ANKRD11: variants seen among roughly 807,000 people sequenced by gnomAD.
The protein encoded by ANKRD11 is ankyrin repeat domain 11, also known as ankyrin repeat domain-containing protein 11.
A neutral mutation model predicts 195.7 loss-of-function variants in ANKRD11; 17 were observed. The observed-to-expected ratio is 0.09, with a 90% CI of 0.06 to 0.13. The LOEUF is 0.13. Ranked by LOEUF, ANKRD11 falls within the 10% of genes least tolerant of loss-of-function variation. ANKRD11 has a pLI of 1.00. For synonymous variants in ANKRD11, 1,953 were observed against 1,528.1 expected (o/e 1.28, Z -6.49); for missense variants, 3,735 against 3,566.1 (o/e 1.05, Z -1.21).
intron 1 of ANKRD11, among the ~76,000 whole-genome samples, chr16:89,456,150 G>C (rs1357280850): frequency 6.6e-6 from 1 of 151,664 alleles, no homozygotes; most frequent in East Asian, 1.9e-4. Context: ...TAAGGCAGGA[G>C]AATCATTTGA....
At chr16:89,384,538 C>CTGGGA (rs71134213) in intron 2 of ANKRD11, among the ~76,000 whole-genome samples, 80,182 of 148,124 alleles carry the variant, frequency 0.54, 21,648 homozygotes, top group Middle Eastern at 0.73. Context: ...TGGGATGGGA[C>CTGGGA]TGGGATGGGA....
chr16:89,468,526 G>A (rs909774849), intron 1 of ANKRD11, among the ~76,000 whole-genome samples: 24 of 152,104 alleles, frequency 1.6e-4, no homozygotes, highest in Non-Finnish European at 3.1e-4. Context: ...CCAACATGTC[G>A]AAATCCTGTC....
At chr16:89,381,900 C>G (rs1043205542) in intron 2 of ANKRD11, among the ~76,000 whole-genome samples, 3 of 152,234 alleles carry the variant, frequency 2.0e-5, no homozygotes, top group African/African-American at 7.2e-5. Flanking sequence ...TGACCACAGT[C>G]CAGCCGACTG....
intron 2 of ANKRD11, among the ~76,000 whole-genome samples, chr16:89,378,603 A>G (rs1252014606): frequency 6.6e-6 from 1 of 152,214 alleles, no homozygotes; most frequent in Non-Finnish European, 1.5e-5. Context: ...ACTGGCCAGC[A>G]TGACTAGCAA....
At chr16:89,461,996 G>C (rs1053552378) in intron 1 of ANKRD11, among the ~76,000 whole-genome samples, 2 of 151,632 alleles carry the variant, frequency 1.3e-5, no homozygotes, top group African/African-American at 2.4e-5. Flanking sequence ...TCTGTCACGA[G>C]CTTCATTTAA....
intron 2 of ANKRD11, among the ~76,000 whole-genome samples, chr16:89,333,177 G>A (rs1368328426): frequency 6.6e-6 from 1 of 152,232 alleles, no homozygotes; most frequent in Admixed American, 6.5e-5. Flanking sequence ...TTTGGGTCAT[G>A]CCTAAGGTCA....
chr16:89,428,214 A>G (rs1315591305), intron 1 of ANKRD11, among the ~76,000 whole-genome samples: 1 of 151,040 alleles, frequency 6.6e-6, no homozygotes, highest in Non-Finnish European at 1.5e-5. Flanking sequence ...TCTCAAAAAA[A>G]TAGATTAATT....
intron 2 of ANKRD11, among the ~76,000 whole-genome samples, chr16:89,361,964 G>A (rs1284983706): frequency 6.6e-6 from 1 of 152,210 alleles, no homozygotes; most frequent in Non-Finnish European, 1.5e-5. Context: ...ACCCTGGATG[G>A]GCGGCCAGGG....
At chr16:89,324,100 T>C (rs149462739) in intron 2 of ANKRD11, 6 of 446,608 alleles carry the variant, frequency 1.3e-5, no homozygotes, top group Non-Finnish European at 2.1e-5. Context: ...TCTGCCGGCC[T>C]CGGCCTCCCA....
At chr16:89,434,491 G>A (rs903962864) in intron 1 of ANKRD11, among the ~76,000 whole-genome samples, 7 of 152,304 alleles carry the variant, frequency 4.6e-5, no homozygotes, top group South Asian at 2.1e-4. Context: ...GAGCAGCACC[G>A]CGCAGTCCTG....
At chr16:89,413,600 G>A (rs1200202073) in intron 2 of ANKRD11, among the ~76,000 whole-genome samples, 2 of 152,248 alleles carry the variant, frequency 1.3e-5, no homozygotes, top group East Asian at 3.9e-4. Flanking sequence ...ACTCCAGCCT[G>A]GGCGACAGCC....
chr16:89,285,014 T>C lies in ANKRD11; in HGVS notation c.1528A>G (p.Lys510Glu). The C allele has an allele frequency of 6.2e-7, 1 of 1,613,936 alleles. No individual in the cohort carries two copies. Among genetic ancestry groups the C allele is most frequent in the Non-Finnish European group, 8.5e-7 (1 of 1,179,980 alleles). Residue 510 changes from lysine to glutamate, a missense_variant, in exon 9 of 13, where the codon AAG becomes GAG. Coordinates refer to ENST00000301030, the MANE Select transcript of ANKRD11 (RefSeq NM_013275.6). This position sits in a 1 kb window ranked among gnomAD's most constrained non-coding sequence, Gnocchi z 5.6. ...GCLKGSPLVL[K>E]DPSLFSSLSA... ...AGGGAGCTGAACAGGGAGGGGTCCTTCAGCACCAGCGGGGACCCCTTGAGG... is the reference window on the plus strand; with the variant it reads ...AGGGAGCTGAACAGGGAGGGGTCCTCCAGCACCAGCGGGGACCCCTTGAGG...
chr16:89,359,918 G>A (rs763347223), intron 2 of ANKRD11, among the ~76,000 whole-genome samples: 7 of 152,118 alleles, frequency 4.6e-5, no homozygotes, highest in Middle Eastern at 3.4e-3. Flanking sequence ...TTTTAGGTTC[G>A]GGGGCACATG....
intron 2 of ANKRD11, among the ~76,000 whole-genome samples, chr16:89,356,979 T>C (rs183394640): frequency 2.6e-5 from 4 of 152,072 alleles, no homozygotes; most frequent in Middle Eastern, 3.4e-3. Context: ...CTTGGAGGGG[T>C]TGGTGGCTGC....
chr16:89,290,457 G>A (rs1288240426), intron 6 of ANKRD11, among the ~76,000 whole-genome samples, 168 bp downstream of exon 6: 1 of 78,224 alleles, frequency 1.3e-5, no homozygotes, highest in Non-Finnish European at 2.8e-5. Context: ...CCAATGGGGT[G>A]AGGCTCAGGG....
chr16:89,467,664 C>A (rs905739272), intron 1 of ANKRD11, among the ~76,000 whole-genome samples: 17 of 152,150 alleles, frequency 1.1e-4, no homozygotes, highest in Admixed American at 2.0e-4. Flanking sequence ...GACCCTGTAT[C>A]ACTCTTCAAC....
At chr16:89,340,640 T>C (rs2038612021) in intron 2 of ANKRD11, among the ~76,000 whole-genome samples, 1 of 152,222 alleles carries the variant, frequency 6.6e-6, no homozygotes, top group Admixed American at 6.5e-5. Context: ...GCACATCATC[T>C]TTTTTTCTAA....
chr16:89,465,951 C>T (rs1050047541), intron 1 of ANKRD11, among the ~76,000 whole-genome samples: 38 of 152,306 alleles, frequency 2.5e-4, no homozygotes, highest in African/African-American at 8.9e-4. Flanking sequence ...ACCTCATGAT[C>T]TGCCCGCCTC....
chr16:89,339,701 A>G (rs2038563275), intron 2 of ANKRD11, among the ~76,000 whole-genome samples: 1 of 152,234 alleles, frequency 6.6e-6, no homozygotes, highest in Admixed American at 6.5e-5. Flanking sequence ...ACAAACACAC[A>G]TCCACCATCT....
Sources: gnomAD v4.1 joint callset for allele counts (sites outside exome capture counted in the v4.1 genomes callset) on GRCh38, gnomAD v4.1.1 for gene constraint, Gnocchi (gnomAD v3.1) non-coding constraint, MANE v1.5 for transcripts, NCBI Gene and HGNC (gene_info 2026-07-23, HGNC 2026-07-21) for gene names.